NELL2: variants seen among roughly 807,000 people sequenced by gnomAD.
NELL2 encodes protein kinase C-binding protein NELL2.
Under a neutral mutation model 109.6 loss-of-function variants are expected in NELL2, and 41 were observed. The ratio of observed to expected loss-of-function variants is 0.37; its 90% CI spans 0.29 to 0.49. The LOEUF is 0.49. NELL2 is among the 20% of genes least tolerant of loss of function. The pLI is 0.98. For synonymous variants in NELL2, 355 were observed against 344.7 expected (o/e 1.03, Z -0.33); for missense variants, 900 against 1,008.3 (o/e 0.89, Z 1.45).
At chr12:44,588,821 C>T (rs1944639531) in intron 15 of NELL2, among the ~76,000 whole-genome samples, 1 of 152,160 alleles carries the variant, frequency 6.6e-6, no homozygotes, top group South Asian at 2.1e-4. Context: ...TTTCATCACC[C>T]TAAACAGGAA....
chr12:44,672,766 T>C (rs990999445), intron 12 of NELL2, among the ~76,000 whole-genome samples: 4 of 152,188 alleles, frequency 2.6e-5, no homozygotes, highest in Admixed American at 6.5e-5. Context: ...TAAACATAAA[T>C]GGAGATGATT....
At chr12:44,730,231 T>G (rs566177664) in intron 9 of NELL2, among the ~76,000 whole-genome samples, 1 of 151,972 alleles carries the variant, frequency 6.6e-6, no homozygotes, top group Admixed American at 6.6e-5. Context: ...GAATAGAAGA[T>G]CCAAACAAAA....
At chr12:44,530,548 T>C (rs1030527939) in intron 16 of NELL2, among the ~76,000 whole-genome samples, 5 of 152,212 alleles carry the variant, frequency 3.3e-5, no homozygotes, top group African/African-American at 1.2e-4. Flanking sequence ...ATGTGGGATG[T>C]ACTTATTGAC....
intron 9 of NELL2, among the ~76,000 whole-genome samples, chr12:44,730,446 C>T (rs1163861524): frequency 6.6e-6 from 1 of 151,994 alleles, no homozygotes; most frequent in Non-Finnish European, 1.5e-5. Context: ...CTTTTCCAAA[C>T]ACAATGAAAT....
chr12:44,804,909 A>G (rs1198950160), intron 3 of NELL2, among the ~76,000 whole-genome samples: 1 of 151,926 alleles, frequency 6.6e-6, no homozygotes, highest in East Asian at 1.9e-4. Context: ...AAGCAATTTA[A>G]ATCCTGTGGA....
At chr12:44,838,924 A>C (rs1290820483) in intron 2 of NELL2, among the ~76,000 whole-genome samples, 1 of 152,244 alleles carries the variant, frequency 6.6e-6, no homozygotes, top group Non-Finnish European at 1.5e-5. Context: ...AAGTGAGAAT[A>C]CATTGAACTA....
In NELL2 at chr12:44,869,440, C is replaced by G. The variant is rs146823736; in HGVS notation, c.184+5785G>C. Among the ~76,000 whole-genome samples, 329 of 152,232 alleles carry G rather than the reference C, an allele frequency of 2.2e-3. 2 individuals are homozygous for G. Among genetic ancestry groups the G allele is most frequent in the African/African-American group, 7.4e-3 (308 of 41,558 alleles). ...GAAAGATGTTGACAGCCAAGTCAGCCTGTTTTTTGCTTGTAGAATTTTGGG... is the reference window on the plus strand; with the variant it reads ...GAAAGATGTTGACAGCCAAGTCAGCGTGTTTTTTGCTTGTAGAATTTTGGG... On this transcript the variant is annotated intron_variant, in intron 2 of 19. Coordinates refer to ENST00000429094, the MANE Select transcript of NELL2 (RefSeq NM_001145108.2).
At chr12:44,617,908 G>A (rs918091954) in intron 13 of NELL2, among the ~76,000 whole-genome samples, 3 of 151,870 alleles carry the variant, frequency 2.0e-5, no homozygotes, top group Admixed American at 6.6e-5. Context: ...CACAGTGTTT[G>A]TTCTCCTCAC....
chr12:44,851,577 T>C (rs1022402403), intron 2 of NELL2: 5 of 152,194 alleles, frequency 3.3e-5, no homozygotes, highest in Non-Finnish European at 5.9e-5. Flanking sequence ...TACCAGTAAT[T>C]TTTTTAATTT....
At chr12:44,859,066 GT>G (rs1473456479) in intron 2 of NELL2, among the ~76,000 whole-genome samples, 1 of 152,064 alleles carries the variant, frequency 6.6e-6, no homozygotes, top group Non-Finnish European at 1.5e-5. Flanking sequence ...AATTTTCCTA[GT>G]TTTCTAATCA....
In NELL2 at chr12:44,774,292, G is replaced by A. The variant is rs529609944; in HGVS notation, c.994+455C>T. Among the ~76,000 whole-genome samples the A allele has an allele frequency of 5.9e-4, 90 of 151,722 alleles. 1 individual carries two copies. Among genetic ancestry groups the A allele is most frequent in the African/African-American group, 2.1e-3 (85 of 41,320 alleles). On this transcript the variant is annotated intron_variant, in intron 9 of 19. Transcript: ENST00000429094. ...CTTTTTTTCCCTGAATGAAGGCCAT[G>A]GCCCTTATCTACACTGGACAATCCT...
intron 9 of NELL2, among the ~76,000 whole-genome samples, chr12:44,718,746 T>C (rs1476644461): frequency 1.3e-5 from 2 of 152,236 alleles, no homozygotes; most frequent in Admixed American, 6.5e-5. Context: ...GTTTGTAGAC[T>C]AAGAATGCTA....
chr12:44,642,813 C>A (rs554273459), intron 13 of NELL2, among the ~76,000 whole-genome samples: 5 of 152,008 alleles, frequency 3.3e-5, no homozygotes, highest in African/African-American at 9.7e-5. Flanking sequence ...ACCCAGGAGG[C>A]GGAGGTTGCA....
chr12:44,772,500 C>T (rs1413947650), intron 9 of NELL2, among the ~76,000 whole-genome samples: 1 of 152,214 alleles, frequency 6.6e-6, no homozygotes, highest in Non-Finnish European at 1.5e-5. Context: ...TGCAGAGACT[C>T]ATTCCCAAAA....
chr12:44,710,502 G>A (rs576742789), intron 11 of NELL2, among the ~76,000 whole-genome samples: 7 of 152,154 alleles, frequency 4.6e-5, no homozygotes, highest in South Asian at 2.1e-4. Context: ...TATAATTCCC[G>A]TATAATACAG....
intron 19 of NELL2, among the ~76,000 whole-genome samples, chr12:44,514,628 T>C (rs925701528): frequency 1.3e-5 from 2 of 151,680 alleles, no homozygotes; most frequent in Admixed American, 6.6e-5. Flanking sequence ...TAGTGTTTAA[T>C]AAGGTTCAGT....
At chr12:44,711,626 A>AG (rs1461303510) in intron 10 of NELL2, among the ~76,000 whole-genome samples, 1 of 152,100 alleles carries the variant, frequency 6.6e-6, no homozygotes, top group African/African-American at 2.4e-5. Flanking sequence ...ACCACACTGC[A>AG]GCCATGTCTA....
At chr12:44,745,946 G>A (rs372938509) in intron 9 of NELL2, among the ~76,000 whole-genome samples, 6 of 151,934 alleles carry the variant, frequency 3.9e-5, no homozygotes, top group Admixed American at 3.3e-4. Context: ...GGAAAAAACT[G>A]CTTTAAAGTT....
intron 1 of NELL2, among the ~76,000 whole-genome samples, chr12:44,896,720 G>A (rs1945597109): frequency 6.6e-6 from 1 of 152,128 alleles, no homozygotes; most frequent in Admixed American, 6.5e-5. Flanking sequence ...AGGAGGGAGT[G>A]TTTGACCTCC....
Sources: allele counts gnomAD v4.1 joint callset (sites outside exome capture counted in the v4.1 genomes callset), GRCh38; gene constraint gnomAD v4.1.1; transcripts MANE v1.5; gene names NCBI Gene and HGNC (gene_info 2026-07-23, HGNC 2026-07-21).